TRIOBP: variants seen among roughly 807,000 people sequenced by gnomAD.
TRIOBP encodes TRIO and F-actin binding protein, also known as TRIO and F-actin-binding protein.
In TRIOBP, 169 loss-of-function variants were observed where a neutral mutation model predicts 238.8. The observed-to-expected ratio is 0.71, with a 90% confidence interval of 0.62 to 0.80. The LOEUF (loss-of-function observed/expected upper bound fraction) is 0.80. Among genes scored for constraint, TRIOBP ranks in the 30% least tolerant of loss-of-function variants. TRIOBP has a pLI of 0.00. For missense variants in TRIOBP, 2,838 were observed against 3,122.6 expected (o/e 0.91, Z 2.17); for synonymous variants, 1,150 against 1,274.4 (o/e 0.90, Z 2.08).
At chr22:37,719,254 T>G in intron 6 of TRIOBP, among the ~76,000 whole-genome samples, 1 of 150,032 alleles carries the variant, frequency 6.7e-6, no homozygotes, top group East Asian at 2.0e-4. Flanking sequence ...GGTTGTGGGG[T>G]GAGGAGGGGA....
chr22:37,723,540 C>T lies in TRIOBP; in HGVS notation c.984C>T (p.Asp328=), dbSNP rs748457407. 5 of 1,613,038 alleles carry T rather than the reference C, an allele frequency of 3.1e-6. No homozygotes were observed. Among genetic ancestry groups the T allele is most frequent in the Non-Finnish European group, 4.2e-6 (5 of 1,179,686 alleles). ...DTPRASSTQE[D]TPRASSTQWN... ...CTAGGGCCTCATCCACCCAAGAGGA[C>T]ACCCCCAGGGCCTCATCTACACAGT... The change falls in exon 7 of 24, where the codon GAC becomes GAT. Residue 328 remains aspartate (D), a synonymous_variant. Transcript: ENST00000644935.
At chr22:37,767,585 A>T (rs1926566810) in intron 18 of TRIOBP, among the ~76,000 whole-genome samples, 1 of 152,216 alleles carries the variant, frequency 6.6e-6, no homozygotes, top group African/African-American at 2.4e-5. Context: ...AAGGGATCTG[A>T]GGCACAAGGG....
intron 6 of TRIOBP, among the ~76,000 whole-genome samples, chr22:37,717,207 C>T (rs1451824708): frequency 6.6e-6 from 1 of 152,152 alleles, no homozygotes; most frequent in Non-Finnish European, 1.5e-5. Context: ...GTTGTTCTTT[C>T]CTCCCTGTGG....
In TRIOBP at chr22:37,700,676, C is replaced by T. The variant is rs1922598612; in HGVS notation, c.-60-630C>T. 2.0e-5 allele frequency among the ~76,000 whole-genome samples: 3 copies of T among 151,788 alleles called. No individual in the cohort carries two copies. In the South Asian group the frequency reaches 6.2e-4, roughly 32 times the overall value. On this transcript the variant is annotated intron_variant, in intron 2 of 23. Transcript: ENST00000644935. Reference sequence around the variant, plus strand: ...AATGATCCGCCGCCCGCAATGGGCCCAGCTGGAATCTGCATTTTTTTGTTT... The same window carrying T: ...AATGATCCGCCGCCCGCAATGGGCCTAGCTGGAATCTGCATTTTTTTGTTT...
At chr22:37,738,863 G>A in intron 10 of TRIOBP, 144 bp downstream of exon 10, 1 of 898,164 alleles carries the variant, frequency 1.1e-6, no homozygotes, top group East Asian at 2.7e-5. Context: ...GCATGGTGGG[G>A]CCTTAAGAAG....
At chr22:37,709,287 G>C (rs542794736) in intron 3 of TRIOBP, among the ~76,000 whole-genome samples, 71 of 152,324 alleles carry the variant, frequency 4.7e-4, no homozygotes, top group Admixed American at 7.8e-4. Context: ...AGGGTCCCCA[G>C]GGATCCCAGG....
At chr22:37,765,624 C>G in intron 17 of TRIOBP, 46 bp from the exon 18 acceptor site, 1 of 1,547,632 alleles carries the variant, frequency 6.5e-7, no homozygotes, top group Non-Finnish European at 8.7e-7. Context: ...GGGCCGCTGT[C>G]CAGAGGAACG....
chr22:37,719,989 C>CACACTGCACTCACTGTTTCACTCATCCCG (rs367687004), intron 6 of TRIOBP, among the ~76,000 whole-genome samples: 1 of 71,208 alleles, frequency 1.4e-5, no homozygotes, highest in Non-Finnish European at 2.5e-5. Flanking sequence ...TTTCACTCAT[C>CACACTGCACTCACTGTTTCACTCATCCCG]CCCCCCCGCC....
In TRIOBP at chr22:37,734,867, C is replaced by A; in HGVS notation, c.4531C>A (p.Pro1511Thr). The A allele has an allele frequency of 5.6e-6, 9 of 1,613,018 alleles. No homozygotes were observed. The highest frequency in any genetic ancestry group is 7.6e-6 in the Non-Finnish European group (9 of 1,179,988). The change falls in exon 9 of 24, where the codon CCA (proline) becomes ACA (threonine). Residue 1511 changes from proline (P) to threonine (T), a missense_variant. Physicochemically the swap from Pro to Thr is conservative, Grantham distance 38 (BLOSUM62 -1). This residue lies in a region of TRIOBP where 2,096 missense variants were observed against 2,137.4 expected (regional missense o/e 0.98). Transcript: ENST00000644935. ...CCCCAGAGAACTAGGAAAGAGAAGC[C>A]CACTCACGAGCCCCCCTGAGAACTG... ...ELPRELGKRS[P>T]LTSPPENWGG...
In TRIOBP at chr22:37,724,607, C is replaced by A. The variant is rs756307956; in HGVS notation, c.2051C>A (p.Ala684Asp). Residue 684 changes from alanine (A) to aspartate (D), a missense_variant, in exon 7 of 24, where the codon GCC (alanine) becomes GAC (aspartate). Transcript: ENST00000644935. ...TGTGCCCTACGGGACAATCCCAGAG[C>A]CTCCTCTCCCAGCAGAACCATCCAA... ...TSCALRDNPR[A>D]SSPSRTIQQE... 6.2e-7 allele frequency: 1 copy of A among 1,611,248 alleles called. No homozygotes were observed. Among genetic ancestry groups the A allele is most frequent in the East Asian group, 2.2e-5 (1 of 44,714 alleles).
chr22:37,716,639 G>A (rs1399965454), intron 6 of TRIOBP, among the ~76,000 whole-genome samples: 9 of 152,194 alleles, frequency 5.9e-5, no homozygotes, highest in Non-Finnish European at 8.8e-5. Context: ...CATGTTGGCC[G>A]GGCTTGTCTC....
chr22:37,750,514 C>A, intron 11 of TRIOBP: 1 of 395,536 alleles, frequency 2.5e-6, no homozygotes, highest in Non-Finnish European at 5.4e-6. Context: ...TCATTCTTAG[C>A]TTGGGATCGC....
intron 21 of TRIOBP, among the ~76,000 whole-genome samples, chr22:37,771,409 A>G (rs537653145): frequency 6.6e-6 from 1 of 152,292 alleles, no homozygotes; most frequent in South Asian, 2.1e-4. Context: ...GGGCTGCAGC[A>G]GACTTGACCG....
At chr22:37,716,025 C>A in intron 6 of TRIOBP, 91 bp downstream of exon 6, 1 of 1,446,198 alleles carries the variant, frequency 6.9e-7, no homozygotes, top group Non-Finnish European at 9.6e-7. Context: ...CTGGGCACGG[C>A]TTACTTTGGT....
chr22:37,745,793 T>C (rs1031595697), intron 11 of TRIOBP, among the ~76,000 whole-genome samples: 2 of 152,202 alleles, frequency 1.3e-5, no homozygotes, highest in African/African-American at 4.8e-5. Flanking sequence ...TCGTTAGTAC[T>C]GGGTGCTTTG....
rs956872539 is a variant in TRIOBP at position 37,775,787 on chromosome 22, CAAAAAA to C, written c.*2011_*2016del. ...GTGTGACAAGGGCGAAACTCCATCT[CAAAAAA>C]AAAGGGGGAGGGTGGCGCAAGGAGA... On this transcript the variant is annotated 3_prime_UTR_variant, in exon 24 of 24. Coordinates refer to ENST00000644935, the MANE Select transcript of TRIOBP (RefSeq NM_001039141.3). 1 of 150,314 alleles carries C rather than the reference CAAAAAA, an allele frequency of 6.7e-6. No homozygotes were observed. The highest frequency in any genetic ancestry group is 1.5e-5 in the Non-Finnish European group (1 of 67,506). 9.3% of individuals were successfully genotyped at this position (150,314 alleles called of 1,614,324 possible).
intron 7 of TRIOBP, among the ~76,000 whole-genome samples, chr22:37,730,712 C>T (rs948279540): frequency 1.3e-5 from 2 of 152,074 alleles, no homozygotes; most frequent in Non-Finnish European, 2.9e-5. Context: ...GAGGTCAAGG[C>T]AGGTGGATTA....
chr22:37,703,160 T>G (rs1386026696), intron 3 of TRIOBP, among the ~76,000 whole-genome samples: 1 of 152,032 alleles, frequency 6.6e-6, no homozygotes, highest in African/African-American at 2.4e-5. Flanking sequence ...CATGCCCAGC[T>G]AATTTTTGTA....
chr22:37,774,049 C>A lies in TRIOBP; in HGVS notation c.*269C>A, dbSNP rs1434918591. 6.6e-6 allele frequency: 1 copy of A among 151,848 alleles called. No homozygotes were observed. The highest frequency in any genetic ancestry group is 1.5e-5 in the Non-Finnish European group (1 of 67,966). The allele number at this position is 151,848 out of a possible 1,614,324, so 9.4% of individuals were successfully genotyped here. On this transcript the variant is annotated 3_prime_UTR_variant, in exon 24 of 24. Coordinates refer to ENST00000644935, the MANE Select transcript of TRIOBP (RefSeq NM_001039141.3). Reference sequence around the variant, plus strand: ...CCTCGCACTGGGTCTCACCTTGCACCTTCTTCAGGATTTTATATGTGAAGA... The same window carrying A: ...CCTCGCACTGGGTCTCACCTTGCACATTCTTCAGGATTTTATATGTGAAGA...
Sources: gnomAD v4.1 joint callset for allele counts (sites outside exome capture counted in the v4.1 genomes callset) on GRCh38, gnomAD v4.1.1 for gene constraint, gnomAD v4.1.1 regional missense constraint, MANE v1.5 for transcripts, NCBI Gene and HGNC (gene_info 2026-07-23, HGNC 2026-07-21) for gene names.